The following ZNF385C variants were observed in gnomAD, a reference collection of about 807,000 sequenced individuals.
ZNF385C encodes the protein zinc finger protein 385C, also known as CTD-2132N18.2.
In ZNF385C, 28 loss-of-function variants were observed where a neutral mutation model predicts 35.4. The ratio of observed to expected loss-of-function variants is 0.79; its 90% CI spans 0.59 to 1.08. The LOEUF (loss-of-function observed/expected upper bound fraction) is 1.08. ZNF385C is among the 50% of genes least tolerant of loss of function. ZNF385C has a pLI of 0.00. For synonymous variants in ZNF385C, 248 were observed against 248.2 expected (o/e 1.00, Z 0.01); for missense variants, 605 against 595.6 (o/e 1.02, Z -0.16).
Position 42,028,801 on chromosome 17 carries a change from G to T in ZNF385C, c.949C>A (p.Leu317Ile). The T allele has an allele frequency of 6.5e-7, 1 of 1,550,212 alleles. No individual in the cohort carries two copies. The change falls in exon 6 of 9, where the codon CTT (leucine) becomes ATT (isoleucine). Residue 317 changes from leucine to isoleucine, a missense_variant. Coordinates refer to ENST00000692273, the MANE Select transcript of ZNF385C (RefSeq NM_001392013.1). ...TACTGACCTGTGTTGTGAGCCTGAA[G>T]CTGGGAGGCCGAGTTCACTGTCACC... ...CKVTVNSASQ[L>I]QAHNTGAKHR...
intron 1 of ZNF385C, among the ~76,000 whole-genome samples, chr17:42,068,957 G>T (rs2053585978): frequency 6.6e-6 from 1 of 152,216 alleles, no homozygotes; most frequent in Admixed American, 6.5e-5. Flanking sequence ...GCTACACCCT[G>T]GGTAGAAAGA....
At chr17:42,027,479 C>T in intron 8 of ZNF385C, 139 bp downstream of exon 8, 3 of 768,474 alleles carry the variant, frequency 3.9e-6, no homozygotes, top group Non-Finnish European at 6.1e-6. Context: ...AGTTCCCAGG[C>T]CTAGCTCTGT....
At chr17:42,032,093 C>T (rs1334595369) in intron 4 of ZNF385C, among the ~76,000 whole-genome samples, 1 of 152,180 alleles carries the variant, frequency 6.6e-6, no homozygotes, top group Non-Finnish European at 1.5e-5. Context: ...TGGAGTCTCG[C>T]TCTGTCGCCC....
intron 1 of ZNF385C, among the ~76,000 whole-genome samples, chr17:42,085,941 G>A (rs1489341822): frequency 3.9e-5 from 6 of 152,088 alleles, no homozygotes; most frequent in African/African-American, 9.7e-5. Context: ...GGTGGCACAC[G>A]CATGTGGTCC....
In ZNF385C at chr17:42,050,481, G is replaced by GCCCGCCCGT. The variant is rs1288850849; in HGVS notation, c.250+12317_250+12325dup. On this transcript the variant is annotated intron_variant, in intron 2 of 8. Coordinates refer to ENST00000692273, the MANE Select transcript of ZNF385C (RefSeq NM_001392013.1). The surrounding 1 kb of genome is among the most constrained non-coding windows in gnomAD (Gnocchi z 5.6). Reference sequence around the variant, plus strand: ...GGTCCCGCAGAGGCACTGAGCCTCCGCCCGCCCGTCCCGCCCGCTCCGGGA... The same window carrying GCCCGCCCGT: ...GGTCCCGCAGAGGCACTGAGCCTCCGCCCGCCCGTCCCGCCCGTCCCGCCCGCTCCGGGA... 9.9e-5 allele frequency: 15 copies of GCCCGCCCGT among 152,210 alleles called. No homozygotes were observed. The highest frequency in any genetic ancestry group is 3.4e-4 in the African/African-American group (14 of 41,522). The allele number at this position is 152,210 out of a possible 1,614,324, so 9.4% of individuals were successfully genotyped here.
intron 2 of ZNF385C, among the ~76,000 whole-genome samples, chr17:42,045,924 T>C (rs2053150524): frequency 6.6e-6 from 1 of 152,212 alleles, no homozygotes; most frequent in Admixed American, 6.5e-5. Flanking sequence ...GCCATTCCTG[T>C]CTGCCCAATC....
At chr17:42,075,221 C>G (rs1555659153) in intron 1 of ZNF385C, among the ~76,000 whole-genome samples, 1 of 152,116 alleles carries the variant, frequency 6.6e-6, no homozygotes, top group African/African-American at 2.4e-5. Flanking sequence ...ATGTGCCTCC[C>G]CCTTGTATGT....
intron 2 of ZNF385C, among the ~76,000 whole-genome samples, chr17:42,053,481 C>CG (rs1408124082): frequency 6.6e-6 from 1 of 152,142 alleles, no homozygotes; most frequent in African/African-American, 2.4e-5. Flanking sequence ...GACGTCTCCC[C>CG]CTCCCCTGGC....
At chr17:42,043,345 T>G in intron 2 of ZNF385C, 1 of 1,232,234 alleles carries the variant, frequency 8.1e-7, no homozygotes, top group African/African-American at 1.5e-5. Flanking sequence ...GTTGGAGGCC[T>G]CTCCCGCTGG....
In ZNF385C at chr17:42,026,914, C is replaced by CGATAGGTCCTGTGGCAGGGCG; in HGVS notation, c.1474_1494dup (p.Arg492_Ile498dup). ...CATGAGGGCTAATAAGGGGCAAGGA[C>CGATAGGTCCTGTGGCAGGGCG]GATAGGTCCTGTGGCAGGGCGGACA... On this transcript the variant is annotated inframe_insertion, in exon 9 of 9. Coordinates refer to ENST00000692273, the MANE Select transcript of ZNF385C (RefSeq NM_001392013.1). 1 of 1,598,330 alleles carries CGATAGGTCCTGTGGCAGGGCG rather than the reference C, an allele frequency of 6.3e-7. No homozygotes were observed. Among genetic ancestry groups the CGATAGGTCCTGTGGCAGGGCG allele is most frequent in the South Asian group, 1.1e-5 (1 of 89,578 alleles).
intron 1 of ZNF385C, among the ~76,000 whole-genome samples, chr17:42,078,697 A>G (rs184282409): frequency 6.6e-6 from 1 of 152,276 alleles, no homozygotes; most frequent in East Asian, 1.9e-4. Context: ...AGCTCCAGAT[A>G]CAGGCCACGT....
intron 3 of ZNF385C, among the ~76,000 whole-genome samples, chr17:42,036,319 A>AT (rs1288828946): frequency 2.0e-5 from 3 of 151,758 alleles, no homozygotes; most frequent in African/African-American, 7.3e-5. Context: ...ATTTTAAATC[A>AT]TTTTTTTCTT....
rs1555655642 is a variant in ZNF385C at position 42,037,861 on chromosome 17, C to T, written c.275G>A (p.Ser92Asn). ...GPAGPASGAP[S>N]PLLASLPLPT... ...CAGGGGCAGGGAGGCCAGCAGGGGG[C>T]TGGGGGCGCCGGAGGCCGGGCCTGC... Residue 92 changes from serine (S) to asparagine (N), a missense_variant, in exon 3 of 9, where the codon AGC becomes AAC. Transcript: ENST00000692273. 2 of 1,520,720 alleles carry T rather than the reference C, an allele frequency of 1.3e-6. No homozygotes were observed. Among genetic ancestry groups the T allele is most frequent in the East Asian group, 2.5e-5 (1 of 40,582 alleles). 94.2% of individuals were successfully genotyped at this position (1,520,720 alleles called of 1,614,324 possible). A position where few individuals can be genotyped will look rare whatever the true frequency, so the allele number is the denominator to read the frequency against.
intron 2 of ZNF385C, among the ~76,000 whole-genome samples, chr17:42,048,755 C>CCT (rs1555656854): frequency 9.9e-5 from 15 of 152,244 alleles, no homozygotes; most frequent in Non-Finnish European, 1.9e-4. Context: ...CACACCACTG[C>CCT]CTGGCGGCCT....
rs75049227 is a variant in ZNF385C, at chr17:42,031,689, G to C, written c.606C>G (p.Ala202=). 1.8e-3 allele frequency: 2,814 copies of C among 1,550,682 alleles called. 42 individuals are homozygous for C. In the African/African-American group the frequency reaches 0.033, roughly 18 times the overall value. Residue 202 remains alanine, a synonymous_variant, in exon 5 of 9, where the codon GCC becomes GCG. Coordinates refer to ENST00000692273, the MANE Select transcript of ZNF385C (RefSeq NM_001392013.1). ...AKSKQRPHTQ[A]QDGAVVSPIP... is the part of the protein sequence containing the mutation. ...TTGGGGACACTACAGCCCCATCCTG[G>C]GCCTGGGTGTGTGGCCTCTGCTTGC...
intron 5 of ZNF385C, among the ~76,000 whole-genome samples, chr17:42,030,650 CT>C (rs2052706037): frequency 6.6e-6 from 1 of 152,186 alleles, no homozygotes; most frequent in South Asian, 2.1e-4. Context: ...TGAATAGTGT[CT>C]CCCCCAAAAT....
chr17:42,031,696 G>C lies in ZNF385C; in HGVS notation c.599C>G (p.Thr200Ser). The C allele has an allele frequency of 2.6e-6, 4 of 1,550,740 alleles. No homozygotes were observed. Among genetic ancestry groups the C allele is most frequent in the Non-Finnish European group, 3.5e-6 (4 of 1,147,036 alleles). ...CACTACAGCCCCATCCTGGGCCTGG[G>C]TGTGTGGCCTCTGCTTGCTCTTGGC... ...EAAKSKQRPH[T>S]QAQDGAVVSP... The change falls in exon 5 of 9, where the codon ACC becomes AGC. Residue 200 changes from threonine to serine, a missense_variant. Transcript: ENST00000692273.
chr17:42,048,115 G>A (rs187260208), intron 2 of ZNF385C, among the ~76,000 whole-genome samples: 253 of 151,990 alleles, frequency 1.7e-3, no homozygotes, highest in Non-Finnish European at 2.8e-3. Context: ...ACTTCAAATT[G>A]TCTAACATTT....
At chr17:42,073,429 C>T (rs2053651894) in intron 1 of ZNF385C, among the ~76,000 whole-genome samples, 1 of 151,172 alleles carries the variant, frequency 6.6e-6, no homozygotes, top group Admixed American at 6.6e-5. Flanking sequence ...AGTGAAACTT[C>T]GTCTCAAAAA....
Sources: allele counts gnomAD v4.1 joint callset (sites outside exome capture counted in the v4.1 genomes callset), GRCh38; gene constraint gnomAD v4.1.1; non-coding constraint Gnocchi (gnomAD v3.1); transcripts MANE v1.5; gene names NCBI Gene and HGNC (gene_info 2026-07-23, HGNC 2026-07-21).